The following MTUS1 variants were observed in gnomAD, a reference collection of about 807,000 sequenced individuals.
MTUS1 encodes microtubule-associated tumor suppressor 1.
A neutral mutation model predicts 120.8 loss-of-function variants in MTUS1; 109 were observed. The observed-to-expected ratio is 0.90, with a 90% CI of 0.77 to 1.06. MTUS1 has a LOEUF of 1.06. MTUS1 is among the 50% of genes least tolerant of loss of function. The pLI is 0.00. For missense variants in MTUS1, 2,210 were observed against 1,486.3 expected (o/e 1.49, Z -8.01); for synonymous variants, 737 against 550.5 (o/e 1.34, Z -4.74).
chr8:17,726,191 A>T (rs1333010517), intron 3 of MTUS1, among the ~76,000 whole-genome samples: 1 of 152,098 alleles, frequency 6.6e-6, no homozygotes, highest in Non-Finnish European at 1.5e-5. Context: ...GCTCCACCCT[A>T]GGCCTACTGA....
intron 14 of MTUS1, 25 bp from the exon 15 acceptor site, chr8:17,646,164 T>A: frequency 1.9e-6 from 3 of 1,550,060 alleles, no homozygotes; most frequent in Non-Finnish European, 1.7e-6. Context: ...CCAGAAACCA[T>A]GAGATCTATG....
chr8:17,775,759 C>A (rs1051575918), intron 1 of MTUS1, among the ~76,000 whole-genome samples: 7 of 152,360 alleles, frequency 4.6e-5, no homozygotes, highest in Non-Finnish European at 8.8e-5. Flanking sequence ...CCACCAGGCA[C>A]TGGGCAAACA....
intron 1 of MTUS1, among the ~76,000 whole-genome samples, chr8:17,787,657 G>A (rs528681731): frequency 6.6e-6 from 1 of 152,308 alleles, no homozygotes; most frequent in Non-Finnish European, 1.5e-5. Flanking sequence ...GACAAAAACT[G>A]ATTCAACAAT....
chr8:17,740,887 G>A (rs779696900), intron 3 of MTUS1, among the ~76,000 whole-genome samples: 1 of 152,144 alleles, frequency 6.6e-6, no homozygotes, highest in African/African-American at 2.4e-5. Context: ...TTTTTTGAAA[G>A]AGAGTTTCGC....
intron 13 of MTUS1, among the ~76,000 whole-genome samples, chr8:17,648,658 C>T (rs748194317): frequency 2.6e-5 from 4 of 152,180 alleles, no homozygotes; most frequent in Non-Finnish European, 4.4e-5. Context: ...GGGGCTTGGC[C>T]GTTATCTCCC....
chr8:17,749,779 C>T (rs1010909394), intron 2 of MTUS1, among the ~76,000 whole-genome samples: 4 of 152,012 alleles, frequency 2.6e-5, no homozygotes, highest in Non-Finnish European at 5.9e-5. Flanking sequence ...GTATACCTTA[C>T]ATGTACTGAT....
chr8:17,724,187 G>T, intron 3 of MTUS1: 1 of 455,548 alleles, frequency 2.2e-6, no homozygotes, highest in South Asian at 1.6e-5. Context: ...TAAACAAATT[G>T]ATACGACCCC....
intron 8 of MTUS1, among the ~76,000 whole-genome samples, chr8:17,671,726 T>C (rs558412745): frequency 5.3e-5 from 8 of 152,316 alleles, no homozygotes; most frequent in Admixed American, 1.3e-4. Flanking sequence ...TCTTAGTAGT[T>C]TGGGTACCTT....
At chr8:17,668,575 C>G (rs981089030) in intron 8 of MTUS1, among the ~76,000 whole-genome samples, 3 of 152,136 alleles carry the variant, frequency 2.0e-5, no homozygotes, top group African/African-American at 7.2e-5. Context: ...AAAATGTATC[C>G]AAGAGAGTTA....
chr8:17,761,474 A>T (rs11779088), intron 1 of MTUS1, among the ~76,000 whole-genome samples: 1 of 152,148 alleles, frequency 6.6e-6, no homozygotes, highest in Non-Finnish European at 1.5e-5. Context: ...GCATGACGTG[A>T]CCAAATCAGT....
chr8:17,702,885 A>G (rs1437966773), intron 6 of MTUS1, among the ~76,000 whole-genome samples: 2 of 152,214 alleles, frequency 1.3e-5, no homozygotes, highest in African/African-American at 4.8e-5. Context: ...GAGGAAACAT[A>G]AATTGTGACG....
chr8:17,703,293 G>C (rs112981321), intron 6 of MTUS1, among the ~76,000 whole-genome samples: 3 of 152,102 alleles, frequency 2.0e-5, no homozygotes, highest in Admixed American at 6.6e-5. Context: ...TGCATTCCTG[G>C]GGGTAGGTCT....
intron 1 of MTUS1, among the ~76,000 whole-genome samples, chr8:17,760,806 GA>G (rs201911502): frequency 0.063 from 8,581 of 136,836 alleles, 441 homozygotes; most frequent in African/African-American, 0.15. Flanking sequence ...GTGCTGGAGG[GA>G]AAAAAAAAAA....
At chr8:17,680,258 C>G (rs1377443930) in intron 7 of MTUS1, among the ~76,000 whole-genome samples, 1 of 151,626 alleles carries the variant, frequency 6.6e-6, no homozygotes, top group Non-Finnish European at 1.5e-5. Context: ...GAGGTGAGGA[C>G]TTTAAGACCA....
Position 17,751,353 on chromosome 8 carries a change from G to C in MTUS1, c.2091+2364C>G, listed in dbSNP as rs555911777. ...ATGGTCTCTTCGTCAATCCAGGGCA[G>C]TAAGAGCCTTTGAGTGCTGCTGAAG... On this transcript the variant is annotated intron_variant, in intron 2 of 14. Coordinates refer to ENST00000693296, the MANE Select transcript of MTUS1 (RefSeq NM_001363059.2). Among the ~76,000 whole-genome samples, 3 of 152,274 alleles carry C rather than the reference G, an allele frequency of 2.0e-5. No homozygotes were observed. The South Asian group carries it at 6.2e-4, about 32-fold the overall frequency.
At chr8:17,789,656 A>G (rs1404098938) in intron 1 of MTUS1, among the ~76,000 whole-genome samples, 3 of 152,190 alleles carry the variant, frequency 2.0e-5, no homozygotes, top group South Asian at 2.1e-4. Context: ...TTTATTAAAC[A>G]TCGACTTCCT....
chr8:17,745,858 C>G (rs2979786), intron 2 of MTUS1, among the ~76,000 whole-genome samples: 3 of 152,114 alleles, frequency 2.0e-5, no homozygotes, highest in Non-Finnish European at 4.4e-5. Context: ...AATCTCACAT[C>G]GAATTGTAAT....
intron 4 of MTUS1, among the ~76,000 whole-genome samples, chr8:17,722,935 T>C (rs563315000): frequency 3.3e-5 from 5 of 152,306 alleles, no homozygotes; most frequent in African/African-American, 9.6e-5. Flanking sequence ...CACCCTTGTG[T>C]CTGGTTTTAT....
At chr8:17,708,789 C>A (rs1342776710) in intron 6 of MTUS1, 1 of 152,148 alleles carries the variant, frequency 6.6e-6, no homozygotes, top group African/African-American at 2.4e-5. Flanking sequence ...ATCTTTAGAA[C>A]TTAGATCATT....
Sources: allele counts gnomAD v4.1 joint callset (sites outside exome capture counted in the v4.1 genomes callset), GRCh38; gene constraint gnomAD v4.1.1; transcripts MANE v1.5; gene names NCBI Gene and HGNC (gene_info 2026-07-23, HGNC 2026-07-21).